SPIDR: variants seen among roughly 807,000 people sequenced by gnomAD.
SPIDR encodes the protein DNA repair-scaffolding protein.
Under a neutral mutation model 104.6 loss-of-function variants are expected in SPIDR, and 93 were observed. That is an observed-to-expected ratio of 0.89 (90% confidence interval 0.75 to 1.06). The LOEUF (loss-of-function observed/expected upper bound fraction) is 1.06. SPIDR is among the 50% of genes least tolerant of loss of function. The pLI is 0.00. For synonymous variants in SPIDR, 431 were observed against 416.9 expected, an observed-to-expected ratio of 1.03 and a Z score of -0.41; for missense variants, 1,154 against 1,111.2, an observed-to-expected ratio of 1.04 and a Z score of -0.55.
chr8:47,493,256 A>T (rs186043148), intron 8 of SPIDR, among the ~76,000 whole-genome samples: 141 of 152,290 alleles, frequency 9.3e-4, no homozygotes, highest in African/African-American at 3.3e-3. Context: ...ATAATTTGGA[A>T]TGACATTGTG....
chr8:47,654,580 G>A (rs1389271432), intron 10 of SPIDR, among the ~76,000 whole-genome samples: 3 of 152,094 alleles, frequency 2.0e-5, no homozygotes, highest in South Asian at 2.1e-4. Context: ...TGTACCCTAC[G>A]AAATATAGAT....
At chr8:47,338,643 A>G (rs782159902) in intron 5 of SPIDR, among the ~76,000 whole-genome samples, 1 of 152,240 alleles carries the variant, frequency 6.6e-6, no homozygotes, top group African/African-American at 2.4e-5. Context: ...GTTCTTGTGC[A>G]TGATTGAACA....
chr8:47,589,937 G>T (rs2154418442), intron 8 of SPIDR, among the ~76,000 whole-genome samples: 1 of 152,222 alleles, frequency 6.6e-6, no homozygotes, highest in African/African-American at 2.4e-5. Flanking sequence ...AGAGGCTGGG[G>T]TGGGTGGATC....
intron 8 of SPIDR, among the ~76,000 whole-genome samples, chr8:47,458,277 T>C (rs1051648979): frequency 2.6e-5 from 4 of 152,054 alleles, no homozygotes; most frequent in Non-Finnish European, 5.9e-5. Flanking sequence ...GTTTTTTAGT[T>C]TTCCTTGCAG....
chr8:47,360,442 GTTGT>G (rs2055620368), intron 5 of SPIDR, among the ~76,000 whole-genome samples: 2 of 152,002 alleles, frequency 1.3e-5, no homozygotes, highest in Admixed American at 6.6e-5. Flanking sequence ...TTTTGCTCAA[GTTGT>G]TTGTCATTGA....
At chr8:47,324,480 T>C (rs1482875597) in intron 5 of SPIDR, among the ~76,000 whole-genome samples, 2 of 152,258 alleles carry the variant, frequency 1.3e-5, no homozygotes, top group African/African-American at 4.8e-5. Context: ...AAGTATGTTA[T>C]TATCTGTGCT....
At chr8:47,413,512 A>G (rs2063812320) in intron 7 of SPIDR, among the ~76,000 whole-genome samples, 1 of 152,246 alleles carries the variant, frequency 6.6e-6, no homozygotes, top group South Asian at 2.1e-4. Flanking sequence ...GAATAACCAA[A>G]TAGTCCAAAT....
intron 7 of SPIDR, among the ~76,000 whole-genome samples, chr8:47,412,978 A>G (rs2063746397): frequency 6.6e-6 from 1 of 151,844 alleles, no homozygotes; most frequent in South Asian, 2.1e-4. Flanking sequence ...CCTTCTTTTG[A>G]CTCCCTTCTT....
At chr8:47,276,031 A>G (rs1255944991) in intron 1 of SPIDR, among the ~76,000 whole-genome samples, 1 of 151,718 alleles carries the variant, frequency 6.6e-6, no homozygotes, top group Non-Finnish European at 1.5e-5. Context: ...TAATTTTTGT[A>G]TTTCTTTTTT....
At chr8:47,506,946 G>A (rs1399111159) in intron 8 of SPIDR, among the ~76,000 whole-genome samples, 1 of 152,144 alleles carries the variant, frequency 6.6e-6, no homozygotes, top group Non-Finnish European at 1.5e-5. Context: ...TGCCCATGTT[G>A]TACTTCTACC....
intron 8 of SPIDR, among the ~76,000 whole-genome samples, chr8:47,501,408 G>A (rs1258822915): frequency 6.6e-6 from 1 of 152,052 alleles, no homozygotes; most frequent in African/African-American, 2.4e-5. Flanking sequence ...TGAAGCAATT[G>A]TGAATGGGAG....
chr8:47,512,464 C>G (rs1470517068), intron 8 of SPIDR, among the ~76,000 whole-genome samples: 3 of 152,218 alleles, frequency 2.0e-5, no homozygotes, highest in African/African-American at 7.2e-5. Flanking sequence ...TGTTCCCCCT[C>G]TCTCTGTTTT....
intron 5 of SPIDR, among the ~76,000 whole-genome samples, chr8:47,352,611 G>A (rs1013338531): frequency 3.3e-5 from 5 of 152,182 alleles, no homozygotes; most frequent in African/African-American, 1.2e-4. Flanking sequence ...TAGGCCTTGT[G>A]TAGGTTTTCC....
chr8:47,352,299 AAG>A (rs1293198442), intron 5 of SPIDR, among the ~76,000 whole-genome samples: 1 of 152,008 alleles, frequency 6.6e-6, no homozygotes, highest in Non-Finnish European at 1.5e-5. Flanking sequence ...AAAAGAAAGA[AAG>A]AAAATAATTT....
Position 47,736,285 on chromosome 8 carries a change from A to G in SPIDR, c.*835A>G. 6.6e-6 allele frequency: 1 copy of G among 152,214 alleles called. No individual in the cohort carries two copies. The highest frequency in any genetic ancestry group is 2.4e-5 in the African/African-American group (1 of 41,446). 9.4% of individuals were successfully genotyped at this position (152,214 alleles called of 1,614,324 possible). A position where few individuals can be genotyped will look rare whatever the true frequency, so the allele number is the denominator to read the frequency against. On this transcript the variant is annotated 3_prime_UTR_variant, in exon 20 of 20. Transcript: ENST00000297423. The stretch of plus-strand genomic sequence containing the variant: ...CGTGACCAAGACATGGTGCCCTAAT[A>G]CCAAGTGTTCTTGGGTTAAAGGCAG...
In SPIDR at chr8:47,725,529, C is replaced by T. The variant is rs145762218; in HGVS notation, c.2342-1671C>T. ...GCCTCAGCCTCCCGAGGAGCTGGGA[C>T]TACAGGCGCGTGCCACCACGCCTGG... On this transcript the variant is annotated intron_variant, in intron 16 of 19. Transcript: ENST00000297423. Among the ~76,000 whole-genome samples, 1,125 of 152,172 alleles carry T rather than the reference C, an allele frequency of 7.4e-3. 7 individuals are homozygous for T. The highest frequency in any genetic ancestry group is 0.011 in the Non-Finnish European group (756 of 68,024).
intron 3 of SPIDR, among the ~76,000 whole-genome samples, chr8:47,286,542 G>C (rs1227199682): frequency 6.6e-6 from 1 of 152,146 alleles, no homozygotes; most frequent in Non-Finnish European, 1.5e-5. Context: ...CCTGTGTACA[G>C]CTGCTGCAGT....
intron 9 of SPIDR, 68 bp from the exon 10 acceptor site, chr8:47,598,878 T>C: frequency 6.3e-7 from 1 of 1,592,870 alleles, no homozygotes; most frequent in Admixed American, 1.7e-5. Flanking sequence ...GTGCAGCATG[T>C]TGCTTGTTGT....
intron 15 of SPIDR, 119 bp downstream of exon 15, chr8:47,712,991 C>T: frequency 6.7e-7 from 1 of 1,500,806 alleles, no homozygotes; most frequent in Non-Finnish European, 8.8e-7. Flanking sequence ...TTCACGGAGC[C>T]CATCACAGAC....
Sources: gnomAD v4.1 joint callset for allele counts (sites outside exome capture counted in the v4.1 genomes callset) on GRCh38, gnomAD v4.1.1 for gene constraint, MANE v1.5 for transcripts, NCBI Gene and HGNC (gene_info 2026-07-23, HGNC 2026-07-21) for gene names.